PCDH9: variants seen among roughly 807,000 people sequenced by gnomAD.
PCDH9 encodes the protein protocadherin-9.
Under a neutral mutation model 70.6 loss-of-function variants are expected in PCDH9, and 24 were observed. The ratio of observed to expected loss-of-function variants is 0.34; its 90% CI spans 0.25 to 0.48. The LOEUF is 0.48. Among genes scored for constraint, PCDH9 ranks in the 20% least tolerant of loss-of-function variants. PCDH9 has a pLI of 0.99. For synonymous variants in PCDH9, 562 were observed against 558.5 expected, an observed-to-expected ratio of 1.01 and a Z score of -0.09; for missense variants, 1,281 against 1,503.6, an observed-to-expected ratio of 0.85 and a Z score of 2.45.
At chr13:66,575,241 A>G (rs1347029396) in intron 4 of PCDH9, among the ~76,000 whole-genome samples, 2 of 152,008 alleles carry the variant, frequency 1.3e-5, no homozygotes, top group Non-Finnish European at 2.9e-5. Context: ...CTATATTTAC[A>G]TTTTCAGTCC....
chr13:66,625,595 T>A (rs547318844), intron 4 of PCDH9, among the ~76,000 whole-genome samples: 2 of 147,710 alleles, frequency 1.4e-5, no homozygotes, highest in Non-Finnish European at 3.0e-5. Flanking sequence ...ATATGTTGGG[T>A]TTTTTTTTCA....
At chr13:66,976,240 T>G (rs2083617877) in intron 2 of PCDH9, among the ~76,000 whole-genome samples, 1 of 152,112 alleles carries the variant, frequency 6.6e-6, no homozygotes, top group Admixed American at 6.6e-5. Context: ...ATTTATTTAT[T>G]TTAGTTTTAA....
chr13:66,669,804 T>C (rs1445345728), intron 3 of PCDH9, among the ~76,000 whole-genome samples: 1 of 152,158 alleles, frequency 6.6e-6, no homozygotes, highest in Non-Finnish European at 1.5e-5. Context: ...AAACAAACCT[T>C]TTCCTCAAAT....
At chr13:66,386,575 A>G (rs1314580781) in intron 4 of PCDH9, among the ~76,000 whole-genome samples, 1 of 152,150 alleles carries the variant, frequency 6.6e-6, no homozygotes, top group African/African-American at 2.4e-5. Context: ...TATTTTTGCA[A>G]TTATTAATTA....
At chr13:67,089,516 T>C (rs1457333926) in intron 2 of PCDH9, among the ~76,000 whole-genome samples, 1 of 151,968 alleles carries the variant, frequency 6.6e-6, no homozygotes, top group Non-Finnish European at 1.5e-5. Context: ...CATTAGGCCA[T>C]GAATACAAGA....
At chr13:66,752,554 C>T (rs1452802053) in intron 3 of PCDH9, among the ~76,000 whole-genome samples, 5 of 152,188 alleles carry the variant, frequency 3.3e-5, no homozygotes, top group African/African-American at 4.8e-5. Context: ...ACCTTGGCCT[C>T]GCAAATGGCT....
intron 4 of PCDH9, among the ~76,000 whole-genome samples, chr13:66,377,145 T>TA (rs1345283987): frequency 2.0e-5 from 3 of 152,184 alleles, no homozygotes; most frequent in Non-Finnish European, 2.9e-5. Context: ...CCAGAATTGT[T>TA]AGTTTTGCAT....
chr13:66,872,626 C>T lies in PCDH9; in HGVS notation c.3138+30878G>A, dbSNP rs187650150. Among the ~76,000 whole-genome samples, 557 of 152,130 alleles carry T rather than the reference C, an allele frequency of 3.7e-3. 5 individuals carry two copies. The highest frequency in any genetic ancestry group is 0.013 in the African/African-American group (532 of 41,528). On this transcript the variant is annotated intron_variant, in intron 3 of 4. Transcript: ENST00000377865. ...TATTTATTCTCTTAAAACATTATTT[C>T]ATATCTTTCATATTATATTCTTCAG...
chr13:66,789,819 T>C (rs904798824), intron 3 of PCDH9, among the ~76,000 whole-genome samples: 5 of 152,210 alleles, frequency 3.3e-5, no homozygotes, highest in Non-Finnish European at 5.9e-5. Flanking sequence ...TGTTTGCTGC[T>C]ATATTCTTGC....
chr13:66,850,418 C>T (rs1184681938), intron 3 of PCDH9, among the ~76,000 whole-genome samples: 3 of 151,802 alleles, frequency 2.0e-5, no homozygotes, highest in Non-Finnish European at 4.4e-5. Flanking sequence ...ACTCAGGAGG[C>T]TGAGGCAGGA....
At chr13:66,985,452 T>C (rs1406992458) in intron 2 of PCDH9, 1 of 152,094 alleles carries the variant, frequency 6.6e-6, no homozygotes, top group East Asian at 1.9e-4. Flanking sequence ...TAGTACATTG[T>C]ATATACAGTT....
intron 3 of PCDH9, among the ~76,000 whole-genome samples, chr13:66,739,302 G>A (rs896722519): frequency 8.2e-6 from 1 of 121,632 alleles, no homozygotes; most frequent in Non-Finnish European, 1.8e-5. Flanking sequence ...GAGAGATTTT[G>A]TCACCACCAG....
intron 4 of PCDH9, among the ~76,000 whole-genome samples, chr13:66,362,441 A>G (rs1347828552): frequency 1.3e-5 from 2 of 152,122 alleles, no homozygotes; most frequent in South Asian, 2.1e-4. Context: ...TCCCAACATT[A>G]CAGATATCTT....
At chr13:66,684,834 A>G (rs541071844) in intron 3 of PCDH9, among the ~76,000 whole-genome samples, 1 of 152,272 alleles carries the variant, frequency 6.6e-6, no homozygotes, top group Non-Finnish European at 1.5e-5. Context: ...TTACAGGAAG[A>G]GGATGGAACA....
chr13:66,900,804 T>C (rs1374438144), intron 3 of PCDH9, among the ~76,000 whole-genome samples: 1 of 151,738 alleles, frequency 6.6e-6, no homozygotes. Context: ...TTTGTGTGTG[T>C]TAAACAGAAC....
At chr13:66,850,986 G>C (rs2139454772) in intron 3 of PCDH9, among the ~76,000 whole-genome samples, 1 of 152,254 alleles carries the variant, frequency 6.6e-6, no homozygotes, top group South Asian at 2.1e-4. Context: ...AGGAAATTCT[G>C]CCTCTGACAA....
intron 4 of PCDH9, among the ~76,000 whole-genome samples, chr13:66,465,574 G>A (rs1000387786): frequency 3.3e-5 from 5 of 151,784 alleles, no homozygotes; most frequent in African/African-American, 4.8e-5. Flanking sequence ...AATTTCTCAT[G>A]CTTTGGTTAG....
intron 3 of PCDH9, among the ~76,000 whole-genome samples, chr13:66,793,705 C>T (rs2080196582): frequency 6.6e-6 from 1 of 152,070 alleles, no homozygotes; most frequent in Admixed American, 6.6e-5. Context: ...GAGTATAAGG[C>T]ATTGACTAGT....
chr13:67,097,534 C>A (rs370970810), intron 2 of PCDH9, among the ~76,000 whole-genome samples: 19 of 152,166 alleles, frequency 1.2e-4, no homozygotes, highest in African/African-American at 4.3e-4. Context: ...AAACAAGGGA[C>A]AAATTATGTC....
Sources: allele counts gnomAD v4.1 joint callset (sites outside exome capture counted in the v4.1 genomes callset), GRCh38; gene constraint gnomAD v4.1.1; transcripts MANE v1.5; gene names NCBI Gene and HGNC (gene_info 2026-07-23, HGNC 2026-07-21).